LRRC4C: variants seen among roughly 807,000 people sequenced by gnomAD.
LRRC4C encodes leucine rich repeat containing 4C, also known as leucine-rich repeat-containing protein 4C.
Under a neutral mutation model 33.6 loss-of-function variants are expected in LRRC4C, and 5 were observed. The observed-to-expected ratio is 0.15, with a 90% CI of 0.08 to 0.31. The LOEUF is 0.31. Ranked by LOEUF, LRRC4C falls within the 10% of genes least tolerant of loss-of-function variation. The pLI is 1.00. For missense variants in LRRC4C, 560 were observed against 796.7 expected, an observed-to-expected ratio of 0.70 and a Z score of 3.58; for synonymous variants, 329 against 302.0, an observed-to-expected ratio of 1.09 and a Z score of -0.93.
chr11:40,400,727 T>C (rs1949726703), intron 3 of LRRC4C, among the ~76,000 whole-genome samples: 1 of 152,126 alleles, frequency 6.6e-6, no homozygotes, highest in Admixed American at 6.6e-5. Context: ...TTGCTTAAAC[T>C]ACAAGGAATA....
At chr11:40,812,488 A>G (rs1018546582) in intron 2 of LRRC4C, among the ~76,000 whole-genome samples, 1 of 152,204 alleles carries the variant, frequency 6.6e-6, no homozygotes, top group South Asian at 2.1e-4. Context: ...TTGGCCCTCA[A>G]TGTAACCATT....
chr11:40,565,666 C>A (rs1490774937), intron 3 of LRRC4C, among the ~76,000 whole-genome samples: 1 of 152,134 alleles, frequency 6.6e-6, no homozygotes, highest in Non-Finnish European at 1.5e-5. Context: ...GCTTTCTCTC[C>A]CCATGTGCCT....
chr11:40,701,633 A>T (rs906925396), intron 2 of LRRC4C, among the ~76,000 whole-genome samples: 28 of 148,050 alleles, frequency 1.9e-4, no homozygotes, highest in Non-Finnish European at 2.8e-4. Context: ...ATATACATGA[A>T]ATATATATAT....
chr11:41,236,634 G>A (rs1406072555), intron 1 of LRRC4C, among the ~76,000 whole-genome samples: 1 of 151,974 alleles, frequency 6.6e-6, no homozygotes, highest in Non-Finnish European at 1.5e-5. Flanking sequence ...ATCTTGATTG[G>A]TGAATTTTGG....
intron 1 of LRRC4C, among the ~76,000 whole-genome samples, chr11:41,365,391 A>G (rs1565615001): frequency 6.6e-6 from 1 of 152,034 alleles, no homozygotes; most frequent in Non-Finnish European, 1.5e-5. Flanking sequence ...ATTTCATTAT[A>G]TATTACAATG....
intron 2 of LRRC4C, among the ~76,000 whole-genome samples, chr11:40,840,962 A>C (rs1415412538): frequency 1.3e-5 from 2 of 152,194 alleles, no homozygotes; most frequent in East Asian, 3.9e-4. Flanking sequence ...AAAAGTCTAC[A>C]AACAACTTTC....
chr11:40,761,317 A>G (rs1029499227), intron 2 of LRRC4C, among the ~76,000 whole-genome samples: 3 of 152,156 alleles, frequency 2.0e-5, no homozygotes, highest in African/African-American at 7.2e-5. Context: ...TTGCAGGGTT[A>G]AATAGGAAAA....
chr11:41,180,343 G>C (rs1289969406), intron 1 of LRRC4C, among the ~76,000 whole-genome samples: 1 of 152,126 alleles, frequency 6.6e-6, no homozygotes, highest in Non-Finnish European at 1.5e-5. Flanking sequence ...TTTCTTGTGA[G>C]AGGATAAAAT....
chr11:40,159,545 G>A (rs1452962909), intron 5 of LRRC4C, among the ~76,000 whole-genome samples: 1 of 152,098 alleles, frequency 6.6e-6, no homozygotes, highest in East Asian at 1.9e-4. Context: ...CACTTACTAA[G>A]GGAGGACGAG....
chr11:41,106,639 C>G (rs934751192), intron 1 of LRRC4C, among the ~76,000 whole-genome samples: 3 of 152,028 alleles, frequency 2.0e-5, no homozygotes, highest in African/African-American at 7.2e-5. Flanking sequence ...CATGAGCTTC[C>G]TTTTTCATCA....
chr11:41,214,575 C>CAAAAAAAAAAAAAAAAAAA (rs547167050), intron 1 of LRRC4C, among the ~76,000 whole-genome samples: 4 of 34,756 alleles, frequency 1.2e-4, no homozygotes, highest in Non-Finnish European at 1.6e-4. Flanking sequence ...ACTAAAAATA[C>CAAAAAAAAAAAAAAAAAAA]AAAAAAAAAA....
At chr11:41,196,886 G>C (rs952981897) in intron 1 of LRRC4C, among the ~76,000 whole-genome samples, 1 of 151,978 alleles carries the variant, frequency 6.6e-6, no homozygotes, top group Non-Finnish European at 1.5e-5. Context: ...ACTTTCTGCA[G>C]GTAGAAAACT....
At chr11:40,352,770 G>T (rs1947470608) in intron 3 of LRRC4C, among the ~76,000 whole-genome samples, 1 of 148,688 alleles carries the variant, frequency 6.7e-6, no homozygotes, top group African/African-American at 2.4e-5. Flanking sequence ...TAGTTTTGGT[G>T]TTGATAAAAT....
intron 2 of LRRC4C, among the ~76,000 whole-genome samples, chr11:40,701,202 C>T (rs181530134): frequency 2.0e-3 from 312 of 152,230 alleles, no homozygotes; most frequent in African/African-American, 7.2e-3. Context: ...TGCTAAGAAG[C>T]TCATTAAATT....
At chr11:41,206,811 A>G (rs1286746336) in intron 1 of LRRC4C, among the ~76,000 whole-genome samples, 1 of 152,106 alleles carries the variant, frequency 6.6e-6, no homozygotes, top group Non-Finnish European at 1.5e-5. Context: ...CTCAATCCTC[A>G]TAACCAAGGA....
chr11:40,333,817 A>G (rs1946474431), intron 3 of LRRC4C, among the ~76,000 whole-genome samples: 1 of 151,472 alleles, frequency 6.6e-6, no homozygotes, highest in South Asian at 2.1e-4. Context: ...TGATCAGATG[A>G]GTGACTTCAA....
At chr11:41,216,165 C>T (rs375302186) in intron 1 of LRRC4C, among the ~76,000 whole-genome samples, 2 of 152,292 alleles carry the variant, frequency 1.3e-5, no homozygotes, top group East Asian at 1.9e-4. Flanking sequence ...ACTGTTGCAA[C>T]TGTTCATTTT....
At chr11:40,987,510 G>A (rs532770774) in intron 1 of LRRC4C, among the ~76,000 whole-genome samples, 1 of 150,926 alleles carries the variant, frequency 6.6e-6, no homozygotes, top group Non-Finnish European at 1.5e-5. Flanking sequence ...GCTTCATCCA[G>A]GATTTTAATT....
At chr11:41,180,945 CAT>C (rs1032782647) in intron 1 of LRRC4C, among the ~76,000 whole-genome samples, 3 of 152,086 alleles carry the variant, frequency 2.0e-5, no homozygotes, top group African/African-American at 7.2e-5. Flanking sequence ...CGCACATCCT[CAT>C]GAGTTGCGAA....
Sources: allele counts gnomAD v4.1 joint callset (sites outside exome capture counted in the v4.1 genomes callset), GRCh38; gene constraint gnomAD v4.1.1; transcripts MANE v1.5; gene names NCBI Gene and HGNC (gene_info 2026-07-23, HGNC 2026-07-21).